The following MAGI2 variants were observed in gnomAD, a reference collection of about 807,000 sequenced individuals.
MAGI2 encodes the protein membrane-associated guanylate kinase, WW and PDZ domain-containing protein 2.
MAGI2 carries 35 observed loss-of-function variants against 133.3 expected under a neutral mutation model. That is an observed-to-expected ratio of 0.26 (90% CI 0.20 to 0.35). MAGI2 has a LOEUF of 0.35. Among genes scored for constraint, MAGI2 ranks in the 10% least tolerant of loss-of-function variants. MAGI2 has a pLI of 1.00. For synonymous variants in MAGI2, 729 were observed against 710.6 expected, an observed-to-expected ratio of 1.03 and a Z score of -0.41; for missense variants, 1,636 against 1,863.4, an observed-to-expected ratio of 0.88 and a Z score of 2.25.
intron 2 of MAGI2, among the ~76,000 whole-genome samples, chr7:78,821,623 T>C (rs942860665): frequency 6.6e-6 from 1 of 152,036 alleles, no homozygotes; most frequent in Non-Finnish European, 1.5e-5. Context: ...GTGAAAATAG[T>C]ATGTATATGA....
chr7:78,747,254 A>C lies in MAGI2; in HGVS notation c.419-120015T>G, dbSNP rs577681403. Among the ~76,000 whole-genome samples the C allele has an allele frequency of 1.1e-3, 175 of 152,310 alleles. 1 individual carries two copies. The South Asian group carries it at 0.034, about 30-fold the overall frequency. ...AAAAGGGATTAAATAATGCGGTTTTATATAGTGATCCCATAAGGCATGAGC... is the reference window on the plus strand; with the variant it reads ...AAAAGGGATTAAATAATGCGGTTTTCTATAGTGATCCCATAAGGCATGAGC... On this transcript the variant is annotated intron_variant, in intron 2 of 21. Coordinates refer to ENST00000354212, the MANE Select transcript of MAGI2 (RefSeq NM_012301.4).
chr7:78,492,829 A>T (rs1584382732), intron 5 of MAGI2, among the ~76,000 whole-genome samples: 4 of 152,326 alleles, frequency 2.6e-5, no homozygotes, highest in Admixed American at 2.6e-4. Context: ...AGAGACACAT[A>T]CACATACATA....
intron 1 of MAGI2, among the ~76,000 whole-genome samples, chr7:79,300,205 G>A (rs954655274): frequency 6.6e-6 from 1 of 152,168 alleles, no homozygotes; most frequent in Non-Finnish European, 1.5e-5. Context: ...AGAGTTTGGA[G>A]GGCTCAGAGG....
chr7:78,650,611 GAGA>G (rs1249547073), intron 2 of MAGI2, among the ~76,000 whole-genome samples: 3 of 152,120 alleles, frequency 2.0e-5, no homozygotes, highest in African/African-American at 7.2e-5. Context: ...TGTATAGACA[GAGA>G]AGAAGTTGGT....
At chr7:78,481,481 T>C (rs1363423115) in intron 6 of MAGI2, among the ~76,000 whole-genome samples, 2 of 151,868 alleles carry the variant, frequency 1.3e-5, no homozygotes, top group African/African-American at 4.8e-5. Context: ...GGATTGCAAC[T>C]CAAGGTGAGA....
chr7:78,185,654 C>A lies in MAGI2; in HGVS notation c.2286G>T (p.Arg762Ser). Residue 762 changes from arginine (R) to serine (S), a missense_variant, in exon 13 of 22, where the codon AGG (arginine) becomes AGT (serine). This residue lies in a region of MAGI2 where 920 missense variants were observed against 1,093.5 expected (regional missense o/e 0.84). Coordinates refer to ENST00000354212, the MANE Select transcript of MAGI2 (RefSeq NM_012301.4). ...CAGAGGAATCCATTCGAAAACTGGT[C>A]CTGGGTGGCACTTGTTCTGGATGGG... ...IYESRQQVPP[R>S]TSFRMDSSGP... The A allele has an allele frequency of 6.3e-7, 1 of 1,587,038 alleles. No homozygotes were observed. The highest frequency in any genetic ancestry group is 8.6e-7 in the Non-Finnish European group (1 of 1,161,572).
intron 2 of MAGI2, among the ~76,000 whole-genome samples, chr7:78,898,707 G>C (rs1164318546): frequency 6.6e-6 from 1 of 151,966 alleles, no homozygotes; most frequent in Non-Finnish European, 1.5e-5. Flanking sequence ...ATGGATACTA[G>C]GCTTAATATC....
chr7:78,543,929 A>G (rs375781031), intron 3 of MAGI2, among the ~76,000 whole-genome samples: 3 of 152,206 alleles, frequency 2.0e-5, no homozygotes, highest in African/African-American at 7.2e-5. Context: ...CATTCTAATT[A>G]TTGCTTAGAA....
intron 11 of MAGI2, among the ~76,000 whole-genome samples, chr7:78,198,209 C>A (rs1367296150): frequency 6.6e-6 from 1 of 152,136 alleles, no homozygotes; most frequent in African/African-American, 2.4e-5. Flanking sequence ...GGTGTCCACA[C>A]CCAGGCCAAT....
intron 1 of MAGI2, among the ~76,000 whole-genome samples, chr7:79,270,738 A>C (rs899376670): frequency 5.2e-5 from 5 of 96,934 alleles, no homozygotes; most frequent in African/African-American, 1.3e-4. Context: ...TCTGAGTCTT[A>C]GTTATTTTTT....
Position 78,931,039 on chromosome 7 carries a change from T to C in MAGI2, c.418+76051A>G, listed in dbSNP as rs564962996. On this transcript the variant is annotated intron_variant, in intron 2 of 21. Transcript: ENST00000354212. The stretch of plus-strand genomic sequence containing the variant: ...AGGAGTAGAAGAAAAAAAGTGATCA[T>C]GAAGAATTAACGCAGAAGCAGTGAC... Among the ~76,000 whole-genome samples, 27 of 152,114 alleles carry C rather than the reference T, an allele frequency of 1.8e-4. No homozygotes were observed. The South Asian group carries it at 5.6e-3, about 32-fold the overall frequency.
intron 13 of MAGI2, among the ~76,000 whole-genome samples, chr7:78,179,924 G>A (rs1304455089): frequency 6.6e-6 from 1 of 152,194 alleles, no homozygotes; most frequent in South Asian, 2.1e-4. Context: ...GCCTTTGGGA[G>A]TCTGGAGGCA....
chr7:78,441,312 G>A (rs1239314444), intron 6 of MAGI2, among the ~76,000 whole-genome samples: 2 of 152,160 alleles, frequency 1.3e-5, no homozygotes, highest in African/African-American at 2.4e-5. Context: ...ACCATGCCAC[G>A]AAATGTGGAA....
intron 1 of MAGI2, among the ~76,000 whole-genome samples, chr7:79,341,737 A>G (rs1840921233): frequency 6.6e-6 from 1 of 152,142 alleles, no homozygotes; most frequent in South Asian, 2.1e-4. Context: ...TTGGTCTTTC[A>G]ACCACTTGAA....
At chr7:79,359,673 C>CAG (rs915563689) in intron 1 of MAGI2, among the ~76,000 whole-genome samples, 4 of 64,660 alleles carry the variant, frequency 6.2e-5, no homozygotes, top group African/African-American at 2.6e-4. Context: ...GTGGGAAACA[C>CAG]ACACACACAC....
intron 1 of MAGI2, among the ~76,000 whole-genome samples, chr7:79,284,905 G>A (rs1366735130): frequency 6.6e-6 from 1 of 151,970 alleles, no homozygotes; most frequent in Admixed American, 6.6e-5. Flanking sequence ...AATCCTCCTA[G>A]AGGATTCTAA....
At chr7:79,052,420 T>C (rs1171967124) in intron 1 of MAGI2, among the ~76,000 whole-genome samples, 4 of 152,214 alleles carry the variant, frequency 2.6e-5, no homozygotes, top group African/African-American at 4.8e-5. Context: ...ATTTTGAGCA[T>C]GGCACCATGT....
chr7:78,934,399 C>G (rs1800363348), intron 2 of MAGI2, among the ~76,000 whole-genome samples: 1 of 152,068 alleles, frequency 6.6e-6, no homozygotes, highest in Non-Finnish European at 1.5e-5. Flanking sequence ...CTACCGTGCC[C>G]GGCCAGAACA....
chr7:78,223,025 A>C (rs1488740424), intron 10 of MAGI2, among the ~76,000 whole-genome samples: 1 of 152,198 alleles, frequency 6.6e-6, no homozygotes, highest in South Asian at 2.1e-4. Context: ...GGATACTCTG[A>C]ACAACACAGC....
Sources: gnomAD v4.1 joint callset for allele counts (sites outside exome capture counted in the v4.1 genomes callset) on GRCh38, gnomAD v4.1.1 for gene constraint, gnomAD v4.1.1 regional missense constraint, MANE v1.5 for transcripts, NCBI Gene and HGNC (gene_info 2026-07-23, HGNC 2026-07-21) for gene names.